The following TRIM69 variants were observed in gnomAD, a reference collection of about 807,000 sequenced individuals.
TRIM69 encodes E3 ubiquitin-protein ligase TRIM69.
Under a neutral mutation model 37.7 loss-of-function variants are expected in TRIM69, and 29 were observed. The ratio of observed to expected loss-of-function variants is 0.77; its 90% CI spans 0.57 to 1.05. TRIM69 has a LOEUF of 1.05. Among genes scored for constraint, TRIM69 ranks in the 50% least tolerant of loss-of-function variants. The probability of loss-of-function intolerance (pLI) is 0.00; values close to 1 mark genes in which losing one functional copy is unlikely to be tolerated. For synonymous variants in TRIM69, 209 were observed against 212.4 expected, an observed-to-expected ratio of 0.98 and a Z score of 0.14; for missense variants, 596 against 579.9, an observed-to-expected ratio of 1.03 and a Z score of -0.28.
chr15:44,767,004 A>G (rs746415765), intron 6 of TRIM69, among the ~76,000 whole-genome samples: 38 of 128,276 alleles, frequency 3.0e-4, no homozygotes, highest in Admixed American at 9.4e-5. Flanking sequence ...GGTTGCAGTG[A>G]GCCGAGATCG....
At chr15:44,759,130 A>G (rs1474312030) in intron 4 of TRIM69, among the ~76,000 whole-genome samples, 2 of 152,226 alleles carry the variant, frequency 1.3e-5, no homozygotes, top group Non-Finnish European at 2.9e-5. Context: ...TTCCATAAAG[A>G]GCTTGATGCT....
chr15:44,743,135 G>T (rs1235626118), intron 1 of TRIM69, among the ~76,000 whole-genome samples: 2 of 152,116 alleles, frequency 1.3e-5, no homozygotes, highest in Non-Finnish European at 2.9e-5. Flanking sequence ...CAATGGAACA[G>T]AACAGAGCCC....
intron 1 of TRIM69, among the ~76,000 whole-genome samples, chr15:44,738,411 G>T (rs927899794): frequency 6.6e-6 from 1 of 151,952 alleles, no homozygotes; most frequent in Non-Finnish European, 1.5e-5. Flanking sequence ...GCCAGCCAGG[G>T]CTTTATAAGG....
chr15:44,744,772 G>A (rs1171517387), intron 1 of TRIM69, among the ~76,000 whole-genome samples: 1 of 152,114 alleles, frequency 6.6e-6, no homozygotes, highest in East Asian at 1.9e-4. Flanking sequence ...GCTTTGACCT[G>A]TCTGGTGCTT....
At chr15:44,749,819 C>T (rs915218265) in intron 1 of TRIM69, among the ~76,000 whole-genome samples, 3 of 152,178 alleles carry the variant, frequency 2.0e-5, no homozygotes, top group African/African-American at 7.2e-5. Context: ...CTGATTTCCA[C>T]AGTGGTTGCA....
Position 44,756,481 on chromosome 15 carries a change from G to T in TRIM69, c.579+18G>T. ...CTCACAAGGTGAGGAGCAAGAAAGA[G>T]GGGTTATGAGATAGAACTGGAACAC... On this transcript the variant is annotated intron_variant, in intron 3 of 6. Transcript: ENST00000329464. 6.6e-7 allele frequency: 1 copy of T among 1,519,988 alleles called. No homozygotes were observed. Among genetic ancestry groups the T allele is most frequent in the Non-Finnish European group, 8.9e-7 (1 of 1,118,682 alleles). 94.2% of individuals were successfully genotyped at this position (1,519,988 alleles called of 1,614,324 possible).
chr15:44,761,605 C>G (rs986133067), intron 6 of TRIM69, among the ~76,000 whole-genome samples: 1 of 152,180 alleles, frequency 6.6e-6, no homozygotes, highest in Non-Finnish European at 1.5e-5. Context: ...GCTGGAATTA[C>G]AGGCGCGCAC....
chr15:44,767,600 G>T lies in TRIM69; in HGVS notation c.1331G>T (p.Gly444Val). ...LTLTNNLDKVGIYLDYEGGQL... is the reference protein window; with the variant it reads ...LTLTNNLDKVVIYLDYEGGQL... ...CTGACTAACAACCTCGACAAGGTGG[G>T]CATATACCTGGATTATGAAGGAGGA... The change falls in exon 7 of 7, where the codon GGC (glycine) becomes GTC (valine). Residue 444 changes from glycine to valine, a missense_variant. Coordinates refer to ENST00000329464, the MANE Select transcript of TRIM69 (RefSeq NM_182985.5). 1 of 1,614,158 alleles carries T rather than the reference G, an allele frequency of 6.2e-7. No homozygotes were observed. Among genetic ancestry groups the T allele is most frequent in the Non-Finnish European group, 8.5e-7 (1 of 1,180,010 alleles).
chr15:44,744,139 AG>A (rs2087351424), intron 1 of TRIM69, among the ~76,000 whole-genome samples: 1 of 151,680 alleles, frequency 6.6e-6, no homozygotes, highest in African/African-American at 2.4e-5. Flanking sequence ...AAAAATGATG[AG>A]TTCATGTCCT....
chr15:44,766,535 C>A (rs1458554672), intron 6 of TRIM69, among the ~76,000 whole-genome samples: 1 of 152,214 alleles, frequency 6.6e-6, no homozygotes, highest in Admixed American at 6.5e-5. Flanking sequence ...AAATACATCT[C>A]ATGTATATAC....
At chr15:44,743,553 G>A (rs1006591678) in intron 1 of TRIM69, among the ~76,000 whole-genome samples, 27 of 152,036 alleles carry the variant, frequency 1.8e-4, no homozygotes, top group Admixed American at 1.2e-3. Flanking sequence ...GAAAATTTTC[G>A]CAACCTACTC....
chr15:44,751,549 G>A (rs1039444380), intron 1 of TRIM69, among the ~76,000 whole-genome samples: 3 of 152,112 alleles, frequency 2.0e-5, no homozygotes, highest in African/African-American at 7.2e-5. Flanking sequence ...ACAGGCATGA[G>A]CCACCATGCT....
chr15:44,767,822 A>G lies in TRIM69; in HGVS notation c.*50A>G. 5 of 1,503,670 alleles carry G rather than the reference A, an allele frequency of 3.3e-6. No homozygotes were observed. Among genetic ancestry groups the G allele is most frequent in the Non-Finnish European group, 4.5e-6 (5 of 1,120,560 alleles). The allele number at this position is 1,503,670 out of a possible 1,614,324, so 93.1% of individuals were successfully genotyped here. ...AGAGTGTTATTAAAGAGGTATTGAA[A>G]TATTTTACCAGTCTCACTGGATTCT... On this transcript the variant is annotated 3_prime_UTR_variant, in exon 7 of 7. Transcript: ENST00000329464.
chr15:44,755,222 A>G lies in TRIM69; in HGVS notation c.329A>G (p.Lys110Arg), dbSNP rs1390646912. 3 of 1,614,094 alleles carry G rather than the reference A, an allele frequency of 1.9e-6. No homozygotes were observed. In the Admixed American group the frequency reaches 5.0e-5, roughly 27 times the overall value. ...VEKIKKLPLL[K>R]GHPQCPEHGE... Reference sequence around the variant, plus strand: ...AAGATTAAGAAGTTACCCTTACTCAAGGGCCATCCACAGTGCCCAGAGCAT... The same window carrying G: ...AAGATTAAGAAGTTACCCTTACTCAGGGGCCATCCACAGTGCCCAGAGCAT... Residue 110 changes from lysine to arginine, a missense_variant, in exon 2 of 7, where the codon AAG (lysine) becomes AGG (arginine). Coordinates refer to ENST00000329464, the MANE Select transcript of TRIM69 (RefSeq NM_182985.5).
intron 1 of TRIM69, among the ~76,000 whole-genome samples, chr15:44,751,898 A>G (rs2087541313): frequency 6.6e-6 from 1 of 151,048 alleles, no homozygotes; most frequent in African/African-American, 2.4e-5. Context: ...GACATGTTCC[A>G]TTATGGCCAA....
chr15:44,757,932 G>A (rs1254512028), intron 3 of TRIM69: 1 of 152,434 alleles, frequency 6.6e-6, no homozygotes, highest in Non-Finnish European at 1.5e-5. Flanking sequence ...AATAGAAATG[G>A]AGGGATCGGT....
At chr15:44,767,077 A>AAAAAAAAAAAAC (rs2087908549) in intron 6 of TRIM69, among the ~76,000 whole-genome samples, 154 bp from the exon 7 acceptor site, 1 of 147,736 alleles carries the variant, frequency 6.8e-6, no homozygotes, top group Non-Finnish European at 1.5e-5. Flanking sequence ...AAAAAAAAAA[A>AAAAAAAAAAAAC]AAAAAAAGCA....
In TRIM69 at chr15:44,765,309, G is replaced by C. The variant is rs571663126; in HGVS notation, c.962-1922G>C. On this transcript the variant is annotated intron_variant, in intron 6 of 6. Transcript: ENST00000329464. ...TGTCAGAGGCTTAGCAAAGAGAGCA[G>C]AGTGGGATTCCAAAACGTTGCTAAA... Among the ~76,000 whole-genome samples, 5 of 152,276 alleles carry C rather than the reference G, an allele frequency of 3.3e-5. No individual in the cohort carries two copies. In the South Asian group the frequency reaches 1.0e-3, roughly 32 times the overall value.
chr15:44,763,998 C>T (rs2087835711), intron 6 of TRIM69, among the ~76,000 whole-genome samples: 2 of 152,206 alleles, frequency 1.3e-5, no homozygotes, highest in Admixed American at 6.5e-5. Context: ...CTATTGATTT[C>T]TGGAGGTTCT....
Sources: allele counts gnomAD v4.1 joint callset (sites outside exome capture counted in the v4.1 genomes callset), GRCh38; gene constraint gnomAD v4.1.1; transcripts MANE v1.5; gene names NCBI Gene and HGNC (gene_info 2026-07-23, HGNC 2026-07-21).